Variants in FAM135B observed in about 807,000 individuals in gnomAD.
The protein encoded by FAM135B is protein FAM135B.
FAM135B carries 43 observed loss-of-function variants against 127.7 expected under a neutral mutation model. The observed-to-expected ratio is 0.34, with a 90% CI of 0.26 to 0.43. The LOEUF (loss-of-function observed/expected upper bound fraction) is 0.43. Among genes scored for constraint, FAM135B ranks in the 20% least tolerant of loss-of-function variants. FAM135B has a pLI of 1.00. For synonymous variants in FAM135B, 670 were observed against 665.1 expected, an observed-to-expected ratio of 1.01 and a Z score of -0.11; for missense variants, 1,558 against 1,725.6, an observed-to-expected ratio of 0.90 and a Z score of 1.72.
chr8:138,153,227 A>G lies in FAM135B; in HGVS notation c.1259-11T>C, dbSNP rs1221564978. Reference sequence around the variant, plus strand: ...CACTCAAGTTATGCCCTACAAAAAAAAAAGAAAGAAAATTATATTATAGTG... The same window carrying G: ...CACTCAAGTTATGCCCTACAAAAAAGAAAGAAAGAAAATTATATTATAGTG... On this transcript the variant is annotated splice_polypyrimidine_tract_variant and intron_variant, in intron 12 of 19. Coordinates refer to ENST00000395297, the MANE Select transcript of FAM135B (RefSeq NM_015912.4). 6.6e-7 allele frequency: 1 copy of G among 1,515,906 alleles called. No homozygotes were observed. The highest frequency in any genetic ancestry group is 1.3e-5 in the South Asian group (1 of 75,134). The allele number at this position is 1,515,906 out of a possible 1,614,324, so 93.9% of individuals were successfully genotyped here.
chr8:138,384,345 CATTTATTT>C lies in FAM135B; in HGVS notation c.-19-16351_-19-16344del, dbSNP rs10608773. Reference sequence around the variant, plus strand: ...GTGGTAACCTAGGCCCCATAGGCTCCATTTATTTATTTATTTATTTATTTATTTATTTA... The same window carrying C: ...GTGGTAACCTAGGCCCCATAGGCTCCATTTATTTATTTATTTATTTATTTA... On this transcript the variant is annotated intron_variant, in intron 1 of 19. Transcript: ENST00000395297. Among the ~76,000 whole-genome samples the C allele has an allele frequency of 3.4e-3, 520 of 150,912 alleles. 3 individuals carry two copies. Among genetic ancestry groups the C allele is most frequent in the Non-Finnish European group, 4.4e-3 (300 of 67,700 alleles).
intron 1 of FAM135B, among the ~76,000 whole-genome samples, chr8:138,451,439 AG>A (rs1325176493): frequency 6.6e-6 from 1 of 152,176 alleles, no homozygotes; most frequent in Non-Finnish European, 1.5e-5. Flanking sequence ...AAAATAGAGA[AG>A]GTCTTGAAGG....
chr8:138,414,817 T>C (rs1481996034), intron 1 of FAM135B, among the ~76,000 whole-genome samples: 1 of 152,008 alleles, frequency 6.6e-6, no homozygotes, highest in Non-Finnish European at 1.5e-5. Flanking sequence ...CCTGGCTGAG[T>C]GTCCTAATTC....
intron 2 of FAM135B, among the ~76,000 whole-genome samples, chr8:138,318,267 T>G (rs1029614700): frequency 1.3e-5 from 2 of 152,140 alleles, no homozygotes; most frequent in African/African-American, 4.8e-5. Context: ...AGTAATTTCA[T>G]GAAGAAGGAA....
At chr8:138,236,761 T>C (rs555214815) in intron 7 of FAM135B, among the ~76,000 whole-genome samples, 64 of 152,356 alleles carry the variant, frequency 4.2e-4, no homozygotes, top group African/African-American at 1.4e-3. Context: ...ATCAATAACA[T>C]GCTTTTCACA....
chr8:138,142,895 C>T lies in FAM135B; in HGVS notation c.3638+117G>A, dbSNP rs1817330905. 12 of 613,094 alleles carry T rather than the reference C, an allele frequency of 2.0e-5. No individual in the cohort carries two copies. In the South Asian group the frequency reaches 2.2e-4, roughly 11 times the overall value. 38.0% of individuals were successfully genotyped at this position (613,094 alleles called of 1,614,324 possible). A position where few individuals can be genotyped will look rare whatever the true frequency, so the allele number is the denominator to read the frequency against. ...TTTAAAAGTAATTTATTAAAAGTCA[C>T]AAGTTAGCTTAGCTCAGTGGTATAC... is the stretch of plus-strand genomic sequence containing the variant. On this transcript the variant is annotated intron_variant, in intron 16 of 19. Coordinates refer to ENST00000395297, the MANE Select transcript of FAM135B (RefSeq NM_015912.4).
chr8:138,280,189 G>A (rs1038590181), intron 3 of FAM135B, among the ~76,000 whole-genome samples: 2 of 152,132 alleles, frequency 1.3e-5, no homozygotes, highest in Admixed American at 6.5e-5. Context: ...CTATTTCCAA[G>A]GGGCTCTCTT....
At position 138,185,320 on chromosome 8, in the gene FAM135B, T is replaced by C. The variant is rs112704271; in HGVS notation, c.874-6630A>G. On this transcript the variant is annotated intron_variant, in intron 9 of 19. Transcript: ENST00000395297. ...TCACTCATTGTTGGAAGGTAGATAG[T>C]GTCCCGGAGTGCCTCTTATGCTCTT... 8.5e-3 allele frequency among the ~76,000 whole-genome samples: 1,294 copies of C among 152,298 alleles called. 15 individuals are homozygous for C. The highest frequency in any genetic ancestry group is 0.03 in the African/African-American group (1,226 of 41,558).
chr8:138,189,909 T>G (rs2131069991), intron 9 of FAM135B, among the ~76,000 whole-genome samples: 1 of 152,324 alleles, frequency 6.6e-6, no homozygotes, highest in South Asian at 2.1e-4. Context: ...GAGACATGGC[T>G]AATCACAGAC....
intron 3 of FAM135B, among the ~76,000 whole-genome samples, chr8:138,275,524 T>C (rs1230844454): frequency 1.3e-5 from 2 of 151,742 alleles, no homozygotes; most frequent in East Asian, 1.9e-4. Flanking sequence ...ATCGCTATAA[T>C]TTTTTTTGTG....
At chr8:138,142,536 C>A (rs13279960) in intron 16 of FAM135B, among the ~76,000 whole-genome samples, 3 of 151,494 alleles carry the variant, frequency 2.0e-5, no homozygotes, top group Admixed American at 2.0e-4. Context: ...GATCTCCTGA[C>A]CTCGTGATCC....
chr8:138,406,983 G>T (rs1340494675), intron 1 of FAM135B, among the ~76,000 whole-genome samples: 4 of 150,604 alleles, frequency 2.7e-5, no homozygotes, highest in Non-Finnish European at 3.0e-5. Context: ...GTTTGCAGAC[G>T]ACATGATTGT....
chr8:138,379,289 T>G (rs1176126108), intron 1 of FAM135B, among the ~76,000 whole-genome samples: 1 of 152,184 alleles, frequency 6.6e-6, no homozygotes, highest in Non-Finnish European at 1.5e-5. Flanking sequence ...CGAATTTTAG[T>G]GCTCCCATTT....
intron 7 of FAM135B, among the ~76,000 whole-genome samples, chr8:138,208,286 T>A (rs1563771848): frequency 6.6e-6 from 1 of 152,094 alleles, no homozygotes; most frequent in African/African-American, 2.4e-5. Context: ...TTCTAAAAAT[T>A]AAAAAAAGAA....
intron 9 of FAM135B, among the ~76,000 whole-genome samples, chr8:138,182,385 G>A (rs1815133263): frequency 6.6e-6 from 1 of 152,084 alleles, no homozygotes; most frequent in Non-Finnish European, 1.5e-5. Context: ...CTGCAGCCCA[G>A]AGCTGTCATA....
At chr8:138,423,798 T>C (rs1456684491) in intron 1 of FAM135B, among the ~76,000 whole-genome samples, 1 of 152,148 alleles carries the variant, frequency 6.6e-6, no homozygotes, top group Admixed American at 6.6e-5. Context: ...GGGAGCACTA[T>C]GGGAGACTGG....
rs926290589 is a variant in FAM135B, at chr8:138,243,614, T to C, written c.543-546A>G. 1.3e-5 allele frequency among the ~76,000 whole-genome samples: 2 copies of C among 152,198 alleles called. No homozygotes were observed. The highest frequency in any genetic ancestry group is 2.9e-5 in the Non-Finnish European group (2 of 68,024). The stretch of plus-strand genomic sequence containing the variant: ...GCTAATTGGGAAGACCATAACCTGC[T>C]CAGCTCACAAATGTGCAGTTCCTGC... On this transcript the variant is annotated intron_variant, in intron 6 of 19. Transcript: ENST00000395297. This position sits in a 1 kb window ranked among gnomAD's most constrained non-coding sequence, Gnocchi z 7.5.
chr8:138,184,373 G>A (rs1201922339), intron 9 of FAM135B, among the ~76,000 whole-genome samples: 3 of 152,206 alleles, frequency 2.0e-5, no homozygotes, highest in African/African-American at 4.8e-5. Flanking sequence ...CCAGGACAGT[G>A]AGAGTTGTCC....
At chr8:138,439,440 A>T (rs1835640373) in intron 1 of FAM135B, 2 of 152,178 alleles carry the variant, frequency 1.3e-5, no homozygotes, top group South Asian at 4.1e-4. Flanking sequence ...CTCATGGGTT[A>T]CAAACACCAG....
Sources: gnomAD v4.1 joint callset for allele counts (sites outside exome capture counted in the v4.1 genomes callset) on GRCh38, gnomAD v4.1.1 for gene constraint, Gnocchi (gnomAD v3.1) non-coding constraint, MANE v1.5 for transcripts, NCBI Gene and HGNC (gene_info 2026-07-23, HGNC 2026-07-21) for gene names.